The following EBF2 variants were observed in gnomAD, a reference collection of about 807,000 sequenced individuals.
EBF2 encodes the protein EBF transcription factor 2.
A neutral mutation model predicts 72.8 loss-of-function variants in EBF2; 21 were observed. The observed-to-expected ratio is 0.29, with a 90% CI of 0.20 to 0.42. The LOEUF is 0.42. Ranked by LOEUF, EBF2 falls within the 10% of genes least tolerant of loss-of-function variation. The pLI, the probability that EBF2 is intolerant of heterozygous loss-of-function variation, is 1.00. For synonymous variants in EBF2, 299 were observed against 274.2 expected (o/e 1.09, Z -0.89); for missense variants, 637 against 731.2 (o/e 0.87, Z 1.49).
At chr8:25,899,647 G>C (rs757705621) in intron 7 of EBF2, among the ~76,000 whole-genome samples, 10 of 152,300 alleles carry the variant, frequency 6.6e-5, no homozygotes, top group Non-Finnish European at 1.3e-4. Flanking sequence ...AATCATAAGG[G>C]GTTGCTGGAT....
At chr8:25,897,536 T>C (rs1166322550) in intron 7 of EBF2, among the ~76,000 whole-genome samples, 1 of 152,254 alleles carries the variant, frequency 6.6e-6, no homozygotes, top group East Asian at 1.9e-4. Flanking sequence ...CTGCTAGTAA[T>C]CCCTAGTGTC....
intron 10 of EBF2, among the ~76,000 whole-genome samples, chr8:25,865,113 C>T (rs547955949): frequency 1.3e-5 from 2 of 152,070 alleles, no homozygotes; most frequent in Non-Finnish European, 2.9e-5. Context: ...CTCAATTATT[C>T]TTATCCATTT....
At chr8:25,951,259 T>C (rs1803856441) in intron 6 of EBF2, among the ~76,000 whole-genome samples, 1 of 152,162 alleles carries the variant, frequency 6.6e-6, no homozygotes, top group South Asian at 2.1e-4. Flanking sequence ...GGATCGACAG[T>C]GCCAGCAACT....
intron 6 of EBF2, among the ~76,000 whole-genome samples, chr8:25,974,871 A>C (rs1390976033): frequency 6.6e-6 from 1 of 152,120 alleles, no homozygotes; most frequent in Admixed American, 6.6e-5. Context: ...GAGGGCCATC[A>C]GGGTCGAAGC....
At chr8:25,917,026 C>T (rs1803228175) in intron 6 of EBF2, among the ~76,000 whole-genome samples, 1 of 152,086 alleles carries the variant, frequency 6.6e-6, no homozygotes, top group African/African-American at 2.4e-5. Flanking sequence ...TCATTATTTC[C>T]TCTGAAGGGA....
chr8:25,952,858 T>C (rs1043231490), intron 6 of EBF2, among the ~76,000 whole-genome samples: 1 of 152,250 alleles, frequency 6.6e-6, no homozygotes, highest in Non-Finnish European at 1.5e-5. Context: ...TGGGGTTTTT[T>C]TTTCCTCTAC....
chr8:25,992,988 A>G (rs1241301677), intron 6 of EBF2, among the ~76,000 whole-genome samples: 1 of 152,070 alleles, frequency 6.6e-6, no homozygotes, highest in Non-Finnish European at 1.5e-5. Context: ...AAAGGGACCC[A>G]GCTTTGTGTG....
At chr8:25,918,349 A>G (rs1803258766) in intron 6 of EBF2, among the ~76,000 whole-genome samples, 1 of 152,220 alleles carries the variant, frequency 6.6e-6, no homozygotes, top group Non-Finnish European at 1.5e-5. Context: ...TGTTAGCATC[A>G]TTAAACTAAA....
chr8:25,883,916 C>A (rs893614338), intron 10 of EBF2, among the ~76,000 whole-genome samples: 5 of 152,090 alleles, frequency 3.3e-5, no homozygotes, highest in African/African-American at 4.8e-5. Flanking sequence ...CTTACCCTGA[C>A]CACTCCTTCT....
intron 13 of EBF2, 139 bp downstream of exon 13, chr8:25,860,910 A>G: frequency 1.1e-6 from 1 of 889,584 alleles, no homozygotes; most frequent in Non-Finnish European, 1.8e-6. Context: ...TAATCTTGAA[A>G]TAACCCAATC....
intron 2 of EBF2, chr8:26,041,283 C>G (rs1805595430): frequency 2.0e-6 from 1 of 495,886 alleles, no homozygotes; most frequent in African/African-American, 1.9e-5. Flanking sequence ...AACAGGACCA[C>G]TTGCCAAAGC....
Position 26,044,423 on chromosome 8 carries a change from G to A in EBF2, c.131+306C>T, listed in dbSNP as rs553348801. On this transcript the variant is annotated intron_variant, in intron 1 of 15. Coordinates refer to ENST00000520164, the MANE Select transcript of EBF2 (RefSeq NM_022659.4). The surrounding 1 kb of genome is among the most constrained non-coding windows in gnomAD (Gnocchi z 4.1). The stretch of plus-strand genomic sequence containing the variant: ...AGGCCGGCTCGGCTTGCAGGACTAG[G>A]GGCTGAGCTGGGAGATGTTGGGGGC... Among the ~76,000 whole-genome samples, 67 of 152,380 alleles carry A rather than the reference G, an allele frequency of 4.4e-4. No individual in the cohort carries two copies. The highest frequency in any genetic ancestry group is 1.4e-3 in the African/African-American group (58 of 41,590).
chr8:25,885,154 C>T (rs1477223906), intron 10 of EBF2, among the ~76,000 whole-genome samples: 1 of 151,892 alleles, frequency 6.6e-6, no homozygotes, highest in Non-Finnish European at 1.5e-5. Flanking sequence ...GCACAGAAAC[C>T]CTCAATGCCT....
At chr8:25,860,170 C>G (rs1294036908) in intron 13 of EBF2, among the ~76,000 whole-genome samples, 1 of 152,188 alleles carries the variant, frequency 6.6e-6, no homozygotes, top group African/African-American at 2.4e-5. Flanking sequence ...TTCGACTTAG[C>G]ACTTCAATAA....
At chr8:25,933,810 A>G (rs1803526166) in intron 6 of EBF2, among the ~76,000 whole-genome samples, 1 of 152,208 alleles carries the variant, frequency 6.6e-6, no homozygotes, top group Non-Finnish European at 1.5e-5. Flanking sequence ...CAGTAAACAT[A>G]AGATTATCAC....
intron 6 of EBF2, among the ~76,000 whole-genome samples, chr8:26,001,359 C>T (rs1250032723): frequency 6.6e-6 from 1 of 152,166 alleles, no homozygotes. Flanking sequence ...AGAGATTTAA[C>T]TAAATGGATA....
chr8:26,009,628 T>C (rs755317146), intron 6 of EBF2, among the ~76,000 whole-genome samples: 1 of 152,242 alleles, frequency 6.6e-6, no homozygotes, highest in Non-Finnish European at 1.5e-5. Flanking sequence ...ATTAAAAGTA[T>C]CCGAGATTCT....
chr8:25,948,497 C>G (rs1190992131), intron 6 of EBF2, among the ~76,000 whole-genome samples: 2 of 152,184 alleles, frequency 1.3e-5, no homozygotes, highest in Non-Finnish European at 2.9e-5. Context: ...CCCTATTTGA[C>G]TAGGAAATGG....
intron 6 of EBF2, among the ~76,000 whole-genome samples, chr8:25,946,897 G>C (rs1258060166): frequency 6.6e-6 from 1 of 152,152 alleles, no homozygotes; most frequent in Non-Finnish European, 1.5e-5. Context: ...TAGTGGAGAG[G>C]GTTAGTCTAT....
Sources: gnomAD v4.1 joint callset for allele counts (sites outside exome capture counted in the v4.1 genomes callset) on GRCh38, gnomAD v4.1.1 for gene constraint, Gnocchi (gnomAD v3.1) non-coding constraint, MANE v1.5 for transcripts, NCBI Gene and HGNC (gene_info 2026-07-23, HGNC 2026-07-21) for gene names.